EFCAB13: variants seen among roughly 807,000 people sequenced by gnomAD.
EFCAB13 encodes the protein EF-hand calcium binding domain 13, also known as EF-hand calcium-binding domain-containing protein 13.
Under a neutral mutation model 110.2 loss-of-function variants are expected in EFCAB13, and 91 were observed. The observed-to-expected ratio is 0.83, with a 90% confidence interval of 0.70 to 0.98. The LOEUF (loss-of-function observed/expected upper bound fraction) is 0.98. EFCAB13 is among the 50% of genes least tolerant of loss of function. The probability of loss-of-function intolerance (pLI) is 0.00; values close to 1 mark genes in which losing one functional copy is unlikely to be tolerated. For missense variants in EFCAB13, 968 were observed against 1,119.4 expected, an observed-to-expected ratio of 0.86 and a Z score of 1.93; for synonymous variants, 323 against 369.9, an observed-to-expected ratio of 0.87 and a Z score of 1.45.
At chr17:47,389,656 C>T (rs543253422) in intron 14 of EFCAB13, among the ~76,000 whole-genome samples, 1 of 149,830 alleles carries the variant, frequency 6.7e-6, no homozygotes, top group South Asian at 2.1e-4. Context: ...TAGTTGGAAA[C>T]TCATTCTCTT....
intron 9 of EFCAB13, among the ~76,000 whole-genome samples, chr17:47,358,870 A>G (rs1161229310): frequency 6.6e-6 from 1 of 152,190 alleles, no homozygotes; most frequent in Non-Finnish European, 1.5e-5. Context: ...ATTGAGACTC[A>G]GTCATTTTTC....
At chr17:47,325,923 AATATATATATATATATATAT>A (rs60735562) in intron 2 of EFCAB13, among the ~76,000 whole-genome samples, 1,137 of 102,562 alleles carry the variant, frequency 0.011, 49 homozygotes, top group African/African-American at 0.035. Context: ...ATATAAACAA[AATATATATATATATATATAT>A]ATATATATAT....
intron 20 of EFCAB13, among the ~76,000 whole-genome samples, chr17:47,408,530 G>A (rs937901094): frequency 2.0e-5 from 3 of 152,156 alleles, no homozygotes; most frequent in Non-Finnish European, 4.4e-5. Context: ...GCCCATGCCT[G>A]TAGTTGCAGC....
At chr17:47,359,849 C>G (rs1466886897) in intron 9 of EFCAB13, among the ~76,000 whole-genome samples, 1 of 134,696 alleles carries the variant, frequency 7.4e-6, no homozygotes, top group Non-Finnish European at 1.5e-5. Flanking sequence ...TTGTTCAATT[C>G]CCATCTATGA....
chr17:47,424,874 C>CT (rs548271723), intron 23 of EFCAB13, among the ~76,000 whole-genome samples: 3,765 of 36,828 alleles, frequency 0.1, 1,325 homozygotes, highest in East Asian at 0.15. Context: ...GGTTGACAAT[C>CT]TTTTTTTTTT....
intron 23 of EFCAB13, among the ~76,000 whole-genome samples, chr17:47,422,566 T>G (rs1245305992): frequency 6.6e-6 from 1 of 152,188 alleles, no homozygotes; most frequent in Non-Finnish European, 1.5e-5. Flanking sequence ...CATGATCAAT[T>G]TAATATAATT....
intron 2 of EFCAB13, among the ~76,000 whole-genome samples, chr17:47,325,219 T>C (rs1327014126): frequency 6.6e-6 from 1 of 151,060 alleles, no homozygotes; most frequent in East Asian, 2.0e-4. Flanking sequence ...GTTTCACTGT[T>C]GCCCAGGCTG....
chr17:47,415,101 A>G (rs1904391565), intron 23 of EFCAB13, 182 bp downstream of exon 23: 2 of 376,366 alleles, frequency 5.3e-6, no homozygotes, highest in Non-Finnish European at 9.6e-6. Context: ...CATGGATGAA[A>G]TTGGAAATTA....
chr17:47,341,711 C>T (rs1205888849), intron 5 of EFCAB13, among the ~76,000 whole-genome samples: 2 of 151,988 alleles, frequency 1.3e-5, no homozygotes. Flanking sequence ...AAAATCTTTA[C>T]AGATGGAAAT....
At chr17:47,429,414 C>T (rs527853920) in intron 23 of EFCAB13, among the ~76,000 whole-genome samples, 1 of 152,258 alleles carries the variant, frequency 6.6e-6, no homozygotes, top group South Asian at 2.1e-4. Context: ...ACTTGAAAGG[C>T]ACAGTGGTTA....
At position 47,330,589 on chromosome 17, in the gene EFCAB13, A is replaced by C. The variant is rs1474773658; in HGVS notation, c.30+2206A>C. 2.0e-5 allele frequency among the ~76,000 whole-genome samples: 3 copies of C among 152,088 alleles called. No individual in the cohort carries two copies. In the East Asian group the frequency reaches 5.8e-4, roughly 29 times the overall value. On this transcript the variant is annotated intron_variant, in intron 4 of 24. Coordinates refer to ENST00000331493, the MANE Select transcript of EFCAB13 (RefSeq NM_152347.5). The stretch of plus-strand genomic sequence containing the variant: ...TTCCTGAGTTACTTCACTTAGGATA[A>C]TGGCCTCCAGTTTCATCCAAGTTGC...
At chr17:47,408,613 T>C (rs1042529248) in intron 20 of EFCAB13, among the ~76,000 whole-genome samples, 1 of 152,144 alleles carries the variant, frequency 6.6e-6, no homozygotes, top group African/African-American at 2.4e-5. Flanking sequence ...GATCACGTCA[T>C]TGCACTCCAG....
In EFCAB13 at chr17:47,402,132, A is replaced by G. The variant is rs756501560; in HGVS notation, c.1946A>G (p.Glu649Gly). 6.8e-6 allele frequency: 11 copies of G among 1,611,030 alleles called. No individual in the cohort carries two copies. The East Asian group carries it at 2.2e-4, about 33-fold the overall frequency. ...LAALELVTVD[E>G]GDKVQFEEFA... The stretch of plus-strand genomic sequence containing the variant: ...CTATTAAAAGTGTTTTTTCTCACAG[A>G]AGGTGACAAAGTACAATTTGAAGAA... The change falls in exon 18 of 25, where the codon GAA becomes GGA. Residue 649 changes from glutamate (E) to glycine (G), a missense_variant and splice_region_variant. Glu to Gly is a moderately conservative substitution (Grantham distance 98, BLOSUM62 -2). Transcript: ENST00000331493.
At position 47,407,174 on chromosome 17, in the gene EFCAB13, G is replaced by A. The variant is rs571324709; in HGVS notation, c.2234-2473G>A. Among the ~76,000 whole-genome samples, 400 of 152,212 alleles carry A rather than the reference G, an allele frequency of 2.6e-3. 4 individuals are homozygous for A. The highest frequency in any genetic ancestry group is 9.4e-3 in the African/African-American group (390 of 41,524). ...GAAGGGGACTTTACTGAAATGGTGC[G>A]CTTATTAACAGAATAACTAGGGAAA... On this transcript the variant is annotated intron_variant, in intron 20 of 24. Coordinates refer to ENST00000331493, the MANE Select transcript of EFCAB13 (RefSeq NM_152347.5).
intron 20 of EFCAB13, among the ~76,000 whole-genome samples, chr17:47,406,318 G>A (rs2065805051): frequency 6.6e-6 from 1 of 152,072 alleles, no homozygotes. Flanking sequence ...CACCATGTTG[G>A]TCATGCTGGT....
intron 3 of EFCAB13, 104 bp from the exon 4 acceptor site, chr17:47,328,165 C>G: frequency 1.6e-6 from 1 of 626,892 alleles, no homozygotes; most frequent in Admixed American, 3.0e-5. Context: ...GTGTATCATA[C>G]CCCAAGTCAG....
intron 5 of EFCAB13, chr17:47,340,093 A>G (rs1397707848): frequency 6.6e-6 from 1 of 152,228 alleles, no homozygotes; most frequent in African/African-American, 2.4e-5. Context: ...AATATATTTA[A>G]GTCTATGCGT....
At chr17:47,396,312 A>G (rs1428870477) in intron 17 of EFCAB13, among the ~76,000 whole-genome samples, 3 of 152,180 alleles carry the variant, frequency 2.0e-5, no homozygotes, top group Non-Finnish European at 2.9e-5. Flanking sequence ...AAATTTTATA[A>G]TAACAGTACT....
At position 47,403,966 on chromosome 17, in the gene EFCAB13, G is replaced by A; in HGVS notation, c.2106G>A (p.Gly702=). 1 of 1,610,876 alleles carries A rather than the reference G, an allele frequency of 6.2e-7. No homozygotes were observed. The highest frequency in any genetic ancestry group is 1.1e-5 in the South Asian group (1 of 90,396). Reference sequence around the variant, plus strand: ...TGGAAGACTTTCTAAGAAATGTTGGGATTAAGTCACCTAAAGAAGAGGTAG... The same window carrying A: ...TGGAAGACTTTCTAAGAAATGTTGGAATTAAGTCACCTAAAGAAGAGGTAG... ...KNLEDFLRNV[G]IKSPKEEVEK... Residue 702 remains glycine (G), a synonymous_variant, in exon 19 of 25, where the codon GGG becomes GGA. Transcript: ENST00000331493.
Sources: allele counts gnomAD v4.1 joint callset (sites outside exome capture counted in the v4.1 genomes callset), GRCh38; gene constraint gnomAD v4.1.1; transcripts MANE v1.5; gene names NCBI Gene and HGNC (gene_info 2026-07-23, HGNC 2026-07-21).